AGMO: variants seen among roughly 807,000 people sequenced by gnomAD.
The protein encoded by AGMO is glyceryl-ether monooxygenase.
A neutral mutation model predicts 60.2 loss-of-function variants in AGMO; 75 were observed. The ratio of observed to expected loss-of-function variants is 1.25; its 90% CI spans 1.03 to 1.51. The LOEUF (loss-of-function observed/expected upper bound fraction) is 1.51, where lower values mean the gene tolerates loss of function less well. Ranked by LOEUF, AGMO falls within the 40% of genes most tolerant of loss-of-function variation. AGMO has a pLI of 0.00. For missense variants in AGMO, 763 were observed against 525.5 expected, an observed-to-expected ratio of 1.45 and a Z score of -4.42; for synonymous variants, 261 against 177.1, an observed-to-expected ratio of 1.47 and a Z score of -3.76.
intron 3 of AGMO, among the ~76,000 whole-genome samples, chr7:15,478,158 T>C (rs2128515996): frequency 6.6e-6 from 1 of 152,304 alleles, no homozygotes; most frequent in South Asian, 2.1e-4. Flanking sequence ...ATGAGTTAGA[T>C]ATCGCTGAAG....
chr7:15,181,526 T>C, the AGMO span, among the ~76,000 whole-genome samples: 8 of 152,318 alleles, frequency 5.3e-5, no homozygotes, highest in African/African-American at 1.9e-4. Flanking sequence ...ATTCTACTCC[T>C]ATTCTATTTT....
chr7:15,212,247 T>TACACACACAC (rs57236152), intron 12 of AGMO, among the ~76,000 whole-genome samples: 282 of 146,376 alleles, frequency 1.9e-3, no homozygotes, highest in Middle Eastern at 3.5e-3. Context: ...AGGTGTGGAG[T>TACACACACAC]ACACACACAC....
At position 15,365,741 on chromosome 7, in the gene AGMO, G is replaced by T. The variant is rs998218373; in HGVS notation, c.1158-122C>A. 1.3e-5 allele frequency: 9 copies of T among 694,706 alleles called. No homozygotes were observed. The African/African-American group carries it at 1.7e-4, about 13-fold the overall frequency. 43.0% of individuals were successfully genotyped at this position (694,706 alleles called of 1,614,324 possible). On this transcript the variant is annotated intron_variant, in intron 11 of 12. Transcript: ENST00000342526. The stretch of plus-strand genomic sequence containing the variant: ...CCTAGTATTTTAATATATTTGAAAA[G>T]CATGTCCCCTGAAGCAATTTGAAAA...
At chr7:15,169,018 C>T in the AGMO span, among the ~76,000 whole-genome samples, 2 of 152,146 alleles carry the variant, frequency 1.3e-5, no homozygotes, top group South Asian at 2.1e-4. Context: ...GTCCTAGGGG[C>T]TAATCCCATT....
chr7:15,315,328 C>CT (rs1178276622), intron 12 of AGMO, among the ~76,000 whole-genome samples: 21,079 of 47,956 alleles, frequency 0.44, 9,388 homozygotes, highest in Non-Finnish European at 0.55. Context: ...TGGATATTTG[C>CT]TTTTTTTTTT....
At chr7:15,505,378 G>A (rs1003090794) in intron 3 of AGMO, among the ~76,000 whole-genome samples, 12 of 151,894 alleles carry the variant, frequency 7.9e-5, no homozygotes, top group African/African-American at 2.4e-4. Context: ...AAGCTAAAAC[G>A]TGTCTGTCTG....
At position 15,336,960 on chromosome 7, in the gene AGMO, ATG is replaced by A. The variant is rs1427738097; in HGVS notation, c.1263+28552_1263+28553del. 2.6e-5 allele frequency among the ~76,000 whole-genome samples: 4 copies of A among 152,282 alleles called. No homozygotes were observed. The East Asian group carries it at 7.7e-4, about 29-fold the overall frequency. On this transcript the variant is annotated intron_variant, in intron 12 of 12. Coordinates refer to ENST00000342526, the MANE Select transcript of AGMO (RefSeq NM_001004320.2). ...TTCATGAACTTCAACATCTGAAAAC[ATG>A]TGTGAGATTGTCAAACATTCCAGTG...
chr7:15,340,365 T>C (rs894834327), intron 12 of AGMO, among the ~76,000 whole-genome samples: 1 of 152,206 alleles, frequency 6.6e-6, no homozygotes, highest in African/African-American at 2.4e-5. Flanking sequence ...GACTTAGGGA[T>C]GCTCAACCTA....
chr7:15,448,548 A>C (rs1247486547), intron 3 of AGMO, among the ~76,000 whole-genome samples: 1 of 152,194 alleles, frequency 6.6e-6, no homozygotes, highest in African/African-American at 2.4e-5. Context: ...TTCAAGTAAA[A>C]GCTTTAAGCA....
chr7:15,128,373 T>C, the AGMO span, among the ~76,000 whole-genome samples: 44 of 152,246 alleles, frequency 2.9e-4, no homozygotes, highest in African/African-American at 1.0e-3. Context: ...CAATAGAAGA[T>C]ATGCTGGGTG....
At chr7:15,298,011 GTAAGT>G (rs1784452372) in intron 12 of AGMO, among the ~76,000 whole-genome samples, 1 of 152,082 alleles carries the variant, frequency 6.6e-6, no homozygotes, top group African/African-American at 2.4e-5. Flanking sequence ...TTAATTCTAG[GTAAGT>G]CAGTAACATA....
the AGMO span, among the ~76,000 whole-genome samples, chr7:15,191,719 GT>G: frequency 1.3e-5 from 2 of 152,076 alleles, no homozygotes; most frequent in East Asian, 1.9e-4. Context: ...ACTATTAAAA[GT>G]TTTTTTAAGG....
At chr7:15,166,695 G>C in the AGMO span, among the ~76,000 whole-genome samples, 1 of 152,176 alleles carries the variant, frequency 6.6e-6, no homozygotes, top group Non-Finnish European at 1.5e-5. Context: ...GGGAGTCAAA[G>C]CAGTGAAGGT....
At chr7:15,433,581 T>C (rs888286673) in intron 3 of AGMO, among the ~76,000 whole-genome samples, 6 of 152,136 alleles carry the variant, frequency 3.9e-5, no homozygotes, top group African/African-American at 1.4e-4. Flanking sequence ...AAAAACTTAA[T>C]GCATTTATAT....
chr7:15,480,310 G>C (rs1323284959), intron 3 of AGMO, among the ~76,000 whole-genome samples: 1 of 152,150 alleles, frequency 6.6e-6, no homozygotes, highest in Non-Finnish European at 1.5e-5. Flanking sequence ...TCTTCAGGTT[G>C]AGAGTCTTAT....
intron 5 of AGMO, among the ~76,000 whole-genome samples, chr7:15,408,319 C>G (rs1326075758): frequency 6.6e-6 from 1 of 151,652 alleles, no homozygotes; most frequent in Non-Finnish European, 1.5e-5. Context: ...TAGGAGCACC[C>G]TAATATTATT....
chr7:15,314,053 T>G (rs1418410375), intron 12 of AGMO, among the ~76,000 whole-genome samples: 1 of 152,038 alleles, frequency 6.6e-6, no homozygotes, highest in Non-Finnish European at 1.5e-5. Flanking sequence ...CCGGTGATCC[T>G]GGATCATCAA....
At chr7:15,136,321 T>TA in the AGMO span, among the ~76,000 whole-genome samples, 64,484 of 151,812 alleles carry the variant, frequency 0.42, 14,035 homozygotes, top group South Asian at 0.56. Context: ...TGTCACATTG[T>TA]AAAAAAGGGC....
In AGMO at chr7:15,366,130, C is replaced by T. The variant is rs1224318459; in HGVS notation, c.1157+10G>A. Reference sequence around the variant, plus strand: ...AAAAGTAAAAACAATGCAAGAATTTCACTTCTTGCCTTTGATCCAGAAGAA... The same window carrying T: ...AAAAGTAAAAACAATGCAAGAATTTTACTTCTTGCCTTTGATCCAGAAGAA... On this transcript the variant is annotated intron_variant, in intron 11 of 12. Transcript: ENST00000342526. 15 of 1,590,842 alleles carry T rather than the reference C, an allele frequency of 9.4e-6. No homozygotes were observed. The highest frequency in any genetic ancestry group is 1.3e-5 in the Non-Finnish European group (15 of 1,165,002).
Sources: allele counts gnomAD v4.1 joint callset (sites outside exome capture counted in the v4.1 genomes callset), GRCh38; gene constraint gnomAD v4.1.1; transcripts MANE v1.5; gene names NCBI Gene and HGNC (gene_info 2026-07-23, HGNC 2026-07-21).